ADD3: variants seen among roughly 807,000 people sequenced by gnomAD.
The protein encoded by ADD3 is adducin 3, also known as gamma-adducin.
A neutral mutation model predicts 80.2 loss-of-function variants in ADD3; 25 were observed. That is an observed-to-expected ratio of 0.31 (90% confidence interval 0.23 to 0.44). ADD3 has a LOEUF of 0.44. Among genes scored for constraint, ADD3 ranks in the 20% least tolerant of loss-of-function variants. ADD3 has a pLI of 1.00. For missense variants in ADD3, 829 were observed against 847.5 expected (o/e 0.98, Z 0.27); for synonymous variants, 284 against 289.6 (o/e 0.98, Z 0.20).
chr10:110,128,457 C>T (rs1323727558), intron 12 of ADD3, among the ~76,000 whole-genome samples: 1 of 151,690 alleles, frequency 6.6e-6, no homozygotes, highest in East Asian at 1.9e-4. Context: ...GCACTGTTGC[C>T]CAGGCTAGAG....
At chr10:110,088,088 C>T (rs1172433929) in intron 1 of ADD3, among the ~76,000 whole-genome samples, 1 of 152,184 alleles carries the variant, frequency 6.6e-6, no homozygotes, top group East Asian at 1.9e-4. Context: ...AAATCTCTCT[C>T]ACTTTCCTCT....
At position 110,132,412 on chromosome 10, in the gene ADD3, A is replaced by G. The variant is rs1351506577; in HGVS notation, c.1828+12A>G. On this transcript the variant is annotated intron_variant, in intron 14 of 14. Coordinates refer to ENST00000356080, the MANE Select transcript of ADD3 (RefSeq NM_016824.5). ...TGAAAAATTAGAAGGTACTCAATGT[A>G]ATTTCCCACATAGCATTCACTGAGT... 1.3e-6 allele frequency: 2 copies of G among 1,551,582 alleles called. No homozygotes were observed. The highest frequency in any genetic ancestry group is 1.8e-6 in the Non-Finnish European group (2 of 1,123,584).
intron 2 of ADD3, among the ~76,000 whole-genome samples, chr10:110,111,844 C>T (rs765632933): frequency 7.9e-5 from 12 of 151,304 alleles, no homozygotes; most frequent in Admixed American, 1.3e-4. Context: ...ACCCGGGAGG[C>T]GGAGGTTGCG....
chr10:110,133,174 G>T (rs1044663320), intron 14 of ADD3, 152 bp from the exon 15 acceptor site: 12 of 734,904 alleles, frequency 1.6e-5, no homozygotes, highest in Non-Finnish European at 2.2e-5. Context: ...TTAGCTTCTT[G>T]CTAATAGATC....
chr10:110,017,618 A>G (rs1853153648), intron 1 of ADD3, among the ~76,000 whole-genome samples: 1 of 152,102 alleles, frequency 6.6e-6, no homozygotes, highest in African/African-American at 2.4e-5. Flanking sequence ...GCTTCCTTCT[A>G]AATATTTTTA....
At chr10:110,117,664 A>ATT (rs113227454) in intron 5 of ADD3, among the ~76,000 whole-genome samples, 14,240 of 146,368 alleles carry the variant, frequency 0.097, 2,187 homozygotes, top group African/African-American at 0.33. Context: ...GGGAATCGTG[A>ATT]TTTTTTTTTT....
At chr10:110,041,533 G>T (rs1856360442) in intron 1 of ADD3, among the ~76,000 whole-genome samples, 1 of 152,048 alleles carries the variant, frequency 6.6e-6, no homozygotes, top group African/African-American at 2.4e-5. Flanking sequence ...AAAACGAAAG[G>T]GTTGGTTCAA....
chr10:110,054,768 C>T (rs190737448), intron 1 of ADD3, among the ~76,000 whole-genome samples: 2 of 152,186 alleles, frequency 1.3e-5, no homozygotes, highest in African/African-American at 4.8e-5. Flanking sequence ...TGCCTGCCAC[C>T]ATGCCCGGCT....
intron 3 of ADD3, among the ~76,000 whole-genome samples, chr10:110,115,188 A>C (rs1850569806): frequency 6.6e-6 from 1 of 152,122 alleles, no homozygotes; most frequent in South Asian, 2.1e-4. Flanking sequence ...TCAGGAGTTC[A>C]AGACCACCCT....
chr10:110,102,117 T>C (rs1442597991), intron 2 of ADD3, among the ~76,000 whole-genome samples: 1 of 152,186 alleles, frequency 6.6e-6, no homozygotes. Context: ...GTAATTTTAT[T>C]TTTTATAGTG....
intron 1 of ADD3, among the ~76,000 whole-genome samples, chr10:110,084,998 G>C (rs1482633106): frequency 6.6e-6 from 1 of 152,052 alleles, no homozygotes; most frequent in Non-Finnish European, 1.5e-5. Flanking sequence ...TCCAGCAGTG[G>C]ACTGGAGACT....
At chr10:110,093,290 A>G (rs1326985202) in intron 1 of ADD3, among the ~76,000 whole-genome samples, 1 of 152,200 alleles carries the variant, frequency 6.6e-6, no homozygotes, top group Non-Finnish European at 1.5e-5. Context: ...ATGCATTTCT[A>G]TTTAGTATCT....
At chr10:110,074,739 A>G (rs1398201675) in intron 1 of ADD3, among the ~76,000 whole-genome samples, 1 of 152,232 alleles carries the variant, frequency 6.6e-6, no homozygotes, top group Non-Finnish European at 1.5e-5. Context: ...CAAAATTTAA[A>G]TGAAACAAAT....
At chr10:110,048,297 T>C (rs1857123025) in intron 1 of ADD3, among the ~76,000 whole-genome samples, 1 of 152,224 alleles carries the variant, frequency 6.6e-6, no homozygotes, top group East Asian at 1.9e-4. Context: ...GCCTTGGGTA[T>C]GTCTTTATCA....
chr10:110,012,620 A>C (rs1852460041), intron 1 of ADD3, among the ~76,000 whole-genome samples: 1 of 152,232 alleles, frequency 6.6e-6, no homozygotes, highest in Non-Finnish European at 1.5e-5. Flanking sequence ...AAAATGGATG[A>C]AACCTCTCTT....
At chr10:110,112,001 T>G (rs1349319590) in intron 2 of ADD3, 1 of 152,222 alleles carries the variant, frequency 6.6e-6, no homozygotes, top group African/African-American at 2.4e-5. Flanking sequence ...TTTCAGAGTT[T>G]ATGGAGCTAA....
intron 1 of ADD3, among the ~76,000 whole-genome samples, chr10:110,096,949 C>A (rs1421463790): frequency 6.6e-6 from 1 of 152,136 alleles, no homozygotes; most frequent in African/African-American, 2.4e-5. Context: ...TGAATACAAG[C>A]AACCCAGATT....
chr10:110,024,125 G>A (rs143266398), intron 1 of ADD3, among the ~76,000 whole-genome samples: 52 of 152,202 alleles, frequency 3.4e-4, no homozygotes, highest in Non-Finnish European at 6.0e-4. Flanking sequence ...CAATATACCC[G>A]TGTAATAAGC....
chr10:110,114,239 G>A (rs934517022), intron 3 of ADD3, among the ~76,000 whole-genome samples: 3 of 152,198 alleles, frequency 2.0e-5, no homozygotes, highest in Admixed American at 1.3e-4. Flanking sequence ...GGAAGGTTAC[G>A]GGGAGAATAG....
Sources: allele counts gnomAD v4.1 joint callset (sites outside exome capture counted in the v4.1 genomes callset), GRCh38; gene constraint gnomAD v4.1.1; transcripts MANE v1.5; gene names NCBI Gene and HGNC (gene_info 2026-07-23, HGNC 2026-07-21).